Variants in PSD3 observed in about 807,000 individuals in gnomAD.
PSD3 encodes the protein PH and SEC7 domain-containing protein 3.
PSD3 carries 49 observed loss-of-function variants against 105.5 expected under a neutral mutation model. The observed-to-expected ratio is 0.46, with a 90% CI of 0.37 to 0.59. The LOEUF is 0.59. Ranked by LOEUF, PSD3 falls within the 20% of genes least tolerant of loss-of-function variation. The probability of loss-of-function intolerance (pLI) is 0.00; values close to 1 mark genes in which losing one functional copy is unlikely to be tolerated. For synonymous variants in PSD3, 557 were observed against 457.8 expected (o/e 1.22, Z -2.77); for missense variants, 1,561 against 1,263.8 (o/e 1.24, Z -3.57).
At chr8:18,750,003 A>G (rs558347904) in intron 9 of PSD3, among the ~76,000 whole-genome samples, 1 of 152,290 alleles carries the variant, frequency 6.6e-6, no homozygotes, top group African/African-American at 2.4e-5. Context: ...AAGTAGAAAA[A>G]CCAGCCAAGC....
intron 1 of PSD3, among the ~76,000 whole-genome samples, chr8:19,070,599 A>G (rs1829221697): frequency 6.6e-6 from 1 of 152,140 alleles, no homozygotes; most frequent in African/African-American, 2.4e-5. Flanking sequence ...AATCGCTTAA[A>G]TCTGGGAGGC....
intron 1 of PSD3, among the ~76,000 whole-genome samples, chr8:19,032,833 A>G (rs1008991700): frequency 1.3e-5 from 2 of 152,156 alleles, no homozygotes; most frequent in East Asian, 3.9e-4. Context: ...TTTTGTGAAT[A>G]TAAGTTGAAT....
intron 1 of PSD3, among the ~76,000 whole-genome samples, chr8:19,039,157 G>A (rs932145820): frequency 6.6e-6 from 1 of 152,126 alleles, no homozygotes; most frequent in African/African-American, 2.4e-5. Flanking sequence ...GTGAGACCAT[G>A]GGAATCCTTT....
intron 4 of PSD3, among the ~76,000 whole-genome samples, chr8:18,812,754 G>A (rs553289734): frequency 1.3e-5 from 2 of 152,306 alleles, no homozygotes; most frequent in Admixed American, 1.3e-4. Flanking sequence ...GAGGACACGT[G>A]GAGATTTCAG....
chr8:18,600,214 T>C (rs952311845), intron 12 of PSD3, 150 bp downstream of exon 12: 2 of 708,308 alleles, frequency 2.8e-6, no homozygotes, highest in African/African-American at 3.7e-5. Flanking sequence ...CGTTTATTTC[T>C]GGAATTCTCC....
At chr8:18,990,313 C>G (rs1258893282) in intron 1 of PSD3, among the ~76,000 whole-genome samples, 1 of 152,238 alleles carries the variant, frequency 6.6e-6, no homozygotes, top group Non-Finnish European at 1.5e-5. Context: ...CTGGCCCTAG[C>G]TTATCTTTGC....
chr8:18,838,793 C>A (rs923189314), intron 4 of PSD3, among the ~76,000 whole-genome samples: 12 of 143,966 alleles, frequency 8.3e-5, no homozygotes, highest in Non-Finnish European at 1.4e-4. Flanking sequence ...CAGAGCGAGA[C>A]TCCGTCTCAA....
At chr8:18,903,921 C>T (rs1420607329) in intron 2 of PSD3, among the ~76,000 whole-genome samples, 1 of 152,090 alleles carries the variant, frequency 6.6e-6, no homozygotes, top group East Asian at 1.9e-4. Flanking sequence ...TCAGCTCAGC[C>T]CAAGAAGGCG....
At chr8:19,051,405 T>A (rs1828524943) in intron 1 of PSD3, among the ~76,000 whole-genome samples, 2 of 152,292 alleles carry the variant, frequency 1.3e-5, no homozygotes, top group South Asian at 2.1e-4. Context: ...TTATCAAAAC[T>A]TGTCATCTTT....
At chr8:18,737,234 C>T (rs1354365252) in intron 9 of PSD3, among the ~76,000 whole-genome samples, 2 of 152,188 alleles carry the variant, frequency 1.3e-5, no homozygotes, top group Admixed American at 6.5e-5. Flanking sequence ...AGAAACACTG[C>T]ATTAGTTCAC....
intron 8 of PSD3, among the ~76,000 whole-genome samples, chr8:18,770,162 G>A (rs1024896588): frequency 4.2e-4 from 64 of 151,838 alleles, no homozygotes; most frequent in African/African-American, 1.5e-3. Context: ...TTTACTTTAG[G>A]TATTGTTATG....
chr8:18,785,659 G>A (rs188054957), intron 8 of PSD3, among the ~76,000 whole-genome samples: 3 of 152,250 alleles, frequency 2.0e-5, no homozygotes, highest in East Asian at 3.9e-4. Context: ...ACTGTCTGGT[G>A]CAAGAGGCCT....
chr8:18,806,472 T>C (rs1305219103), intron 4 of PSD3, among the ~76,000 whole-genome samples: 2 of 152,220 alleles, frequency 1.3e-5, no homozygotes, highest in African/African-American at 4.8e-5. Flanking sequence ...TACATTAATT[T>C]CCAAATCTTT....
intron 9 of PSD3, among the ~76,000 whole-genome samples, chr8:18,709,936 T>C (rs1056362741): frequency 1.3e-5 from 2 of 152,050 alleles, no homozygotes; most frequent in Admixed American, 1.3e-4. Flanking sequence ...GTGCCTCTTC[T>C]CCTCCAAATG....
intron 11 of PSD3, among the ~76,000 whole-genome samples, chr8:18,608,959 C>T (rs1031563744): frequency 1.3e-5 from 2 of 152,130 alleles, no homozygotes; most frequent in African/African-American, 4.8e-5. Context: ...TGTTTTTTGA[C>T]CACTCATCTC....
chr8:18,952,111 T>C (rs1316612877), intron 1 of PSD3, among the ~76,000 whole-genome samples: 1 of 152,216 alleles, frequency 6.6e-6, no homozygotes, highest in African/African-American at 2.4e-5. Context: ...CAGTCACCTT[T>C]GTTCTTAAAT....
In PSD3 at chr8:18,582,816, C is replaced by CTTTTTTTTT. The variant is rs71217386; in HGVS notation, c.2482-7540_2482-7532dup. ...TTCTCCAACCTGCAGCCACACTGAT[C>CTTTTTTTTT]TTTTTTTTTTTTTTTTTTTTTTTTT... On this transcript the variant is annotated intron_variant, in intron 12 of 15. Coordinates refer to ENST00000327040, the MANE Select transcript of PSD3 (RefSeq NM_015310.4). Among the ~76,000 whole-genome samples the CTTTTTTTTT allele has an allele frequency of 4.2e-4, 53 of 125,432 alleles. 2 individuals are homozygous for CTTTTTTTTT. The highest frequency in any genetic ancestry group is 7.2e-4 in the Non-Finnish European group (44 of 61,444). 82.3% of individuals were successfully genotyped at this position (125,432 alleles called of 152,430 possible).
At chr8:18,682,911 T>G (rs1487960543) in intron 9 of PSD3, among the ~76,000 whole-genome samples, 1 of 152,052 alleles carries the variant, frequency 6.6e-6, no homozygotes, top group Non-Finnish European at 1.5e-5. Context: ...TGACGCTCTC[T>G]CTGCACATTA....
intron 1 of PSD3, among the ~76,000 whole-genome samples, chr8:19,027,326 C>A (rs185898977): frequency 6.6e-6 from 1 of 152,322 alleles, no homozygotes. Context: ...CAGAGTGGAG[C>A]TTTTTGAGCC....
Sources: gnomAD v4.1 joint callset for allele counts (sites outside exome capture counted in the v4.1 genomes callset) on GRCh38, gnomAD v4.1.1 for gene constraint, MANE v1.5 for transcripts, NCBI Gene and HGNC (gene_info 2026-07-23, HGNC 2026-07-21) for gene names.